ATRX: variants seen among roughly 807,000 people sequenced by gnomAD.
ATRX encodes chromatin remodeler ATRX.
In ATRX, 12 loss-of-function variants were observed where a neutral mutation model predicts 172.6. The observed-to-expected ratio is 0.07, with a 90% confidence interval of 0.04 to 0.11. ATRX has a LOEUF of 0.11. Ranked by LOEUF, ATRX falls within the 10% of genes least tolerant of loss-of-function variation. ATRX has a pLI of 1.00. For synonymous variants in ATRX, 674 were observed against 594.7 expected (o/e 1.13, Z -1.94); for missense variants, 1,368 against 1,767.4 (o/e 0.77, Z 4.05).
At chrX:77,606,757 CA>C (rs782601756) in intron 22 of ATRX, among the ~76,000 whole-genome samples, 14 of 66,982 alleles carry the variant, frequency 2.1e-4, no homozygotes, top group South Asian at 9.7e-4. Context: ...CTCATCTCTA[CA>C]AAAAAAAAAA....
chrX:77,518,737 T>G (rs1459876887), intron 34 of ATRX, among the ~76,000 whole-genome samples: 1 of 111,232 alleles, frequency 9.0e-6, no homozygotes, highest in Non-Finnish European at 1.9e-5. Flanking sequence ...GGAATCACAT[T>G]ACCTGACTTC....
At chrX:77,735,749 C>T (rs1557178689) in intron 1 of ATRX, among the ~76,000 whole-genome samples, 2 of 95,634 alleles carry the variant, frequency 2.1e-5, no homozygotes, top group African/African-American at 7.6e-5. Context: ...TTGCAGTGAG[C>T]CGAGATCGTG....
At position 77,772,828 on chromosome X, in the gene ATRX, G is replaced by A. The variant is rs781798733; in HGVS notation, c.20+13154C>T. ...AATGGTTAAAATGCTAAATCTTGTG[G>A]TATGTGTATTTCACCACCAATTTTT... is the stretch of plus-strand genomic sequence containing the variant. On this transcript the variant is annotated intron_variant, in intron 1 of 34. Transcript: ENST00000373344. Among the ~76,000 whole-genome samples the A allele has an allele frequency of 5.5e-5, 6 of 108,382 alleles. No individual in the cohort carries two copies. The South Asian group carries it at 2.4e-3, about 43-fold the overall frequency. The allele number at this position is 108,382 out of a possible 115,157, so 94.1% of individuals were successfully genotyped here.
chrX:77,568,159 G>GAAA lies in ATRX; in HGVS notation c.6326+6088_6326+6090dup, dbSNP rs1159858312. On this transcript the variant is annotated intron_variant, in intron 28 of 34. Coordinates refer to ENST00000373344, the MANE Select transcript of ATRX (RefSeq NM_000489.6). ...CAAAAGCAAGATGAAATTAAAATAGGAAAAAAAAAAAAAGAAAAAGAAAAT... is the reference window on the plus strand; with the variant it reads ...CAAAAGCAAGATGAAATTAAAATAGGAAAAAAAAAAAAAAAAGAAAAAGAAAAT... 3.3e-5 allele frequency among the ~76,000 whole-genome samples: 3 copies of GAAA among 90,194 alleles called. No individual in the cohort carries two copies. In the Admixed American group the frequency reaches 3.6e-4, roughly 11 times the overall value. 78.3% of individuals were successfully genotyped at this position (90,194 alleles called of 115,157 possible).
intron 34 of ATRX, among the ~76,000 whole-genome samples, chrX:77,511,348 A>G (rs534226329): frequency 2.7e-5 from 3 of 111,577 alleles, no homozygotes; most frequent in African/African-American, 9.8e-5. Context: ...ATGGGTACAA[A>G]CAAGGCTAGA....
intron 27 of ATRX, among the ~76,000 whole-genome samples, chrX:77,583,464 C>T (rs1046851104): frequency 3.6e-5 from 4 of 110,205 alleles, no homozygotes; most frequent in African/African-American, 1.3e-4. Flanking sequence ...GCAGAGACTG[C>T]GGTGAGCCAA....
intron 33 of ATRX, 105 bp downstream of exon 33, chrX:77,521,298 C>G (rs1161260399): frequency 3.1e-6 from 2 of 644,123 alleles, no homozygotes; most frequent in Non-Finnish European, 5.0e-6. Context: ...TTTACTATTG[C>G]AAATCAATTT....
At chrX:77,681,459 C>CAATGTAGT (rs1491064264) in intron 9 of ATRX, 61 bp downstream of exon 9, 62 of 988,940 alleles carry the variant, frequency 6.3e-5, no homozygotes, top group Non-Finnish European at 8.1e-5. Context: ...GGAAATTAAA[C>CAATGTAGT]AATGTAGTAA....
chrX:77,739,284 C>T (rs1255968004), intron 1 of ATRX, among the ~76,000 whole-genome samples: 1 of 110,188 alleles, frequency 9.1e-6, no homozygotes, highest in African/African-American at 3.3e-5. Flanking sequence ...TAATAGTCTC[C>T]AATCCCATCC....
At chrX:77,508,718 G>A in intron 34 of ATRX, 89 bp from the exon 35 acceptor site, 2 of 997,038 alleles carry the variant, frequency 2.0e-6, no homozygotes, top group Non-Finnish European at 2.8e-6. Flanking sequence ...TTGTTAAGGG[G>A]GTACCATACC....
At chrX:77,545,376 TAC>T (rs1473345949) in intron 30 of ATRX, among the ~76,000 whole-genome samples, 2 of 111,722 alleles carry the variant, frequency 1.8e-5, no homozygotes, top group Non-Finnish European at 3.8e-5. Flanking sequence ...TATGTGCATG[TAC>T]ACACACACAG....
chrX:77,757,065 C>G (rs1195655967), intron 1 of ATRX, among the ~76,000 whole-genome samples: 1 of 111,693 alleles, frequency 9.0e-6, no homozygotes, highest in Admixed American at 9.6e-5. Context: ...GGACTACAGG[C>G]ATGAACCACT....
chrX:77,674,451 G>C (rs1223100617), intron 10 of ATRX: 1 of 110,862 alleles, frequency 9.0e-6, no homozygotes, highest in Non-Finnish European at 1.9e-5. Context: ...TACTCAACAG[G>C]GTTGTATTTT....
At chrX:77,595,499 A>G (rs1416472106) in intron 25 of ATRX, 1 of 111,812 alleles carries the variant, frequency 8.9e-6, no homozygotes, top group Non-Finnish European at 1.9e-5. Context: ...ATTTTTCCCA[A>G]CCAAGAGCCC....
At chrX:77,630,280 G>C (rs782207438) in intron 19 of ATRX, among the ~76,000 whole-genome samples, 1 of 111,984 alleles carries the variant, frequency 8.9e-6, no homozygotes, top group Non-Finnish European at 1.9e-5. Flanking sequence ...TGTTCATGGA[G>C]GGGAAGATTT....
chrX:77,507,071 T>C lies in ATRX; in HGVS notation c.*1280A>G, dbSNP rs1279525989. On this transcript the variant is annotated 3_prime_UTR_variant, in exon 35 of 35. Coordinates refer to ENST00000373344, the MANE Select transcript of ATRX (RefSeq NM_000489.6). Reference sequence around the variant, plus strand: ...ACATGAATAAATTTATAGGTCATTTTTGCAGAACTGGATTAAGAAAAAATA... The same window carrying C: ...ACATGAATAAATTTATAGGTCATTTCTGCAGAACTGGATTAAGAAAAAATA... 2.3e-5 allele frequency: 4 copies of C among 170,931 alleles called. No homozygotes were observed. The highest frequency in any genetic ancestry group is 2.2e-5 in the Non-Finnish European group (2 of 90,493). The allele number at this position is 170,931 out of a possible 1,213,427, so 14.1% of individuals were successfully genotyped here. A position where few individuals can be genotyped will look rare whatever the true frequency, so the allele number is the denominator to read the frequency against.
intron 28 of ATRX, among the ~76,000 whole-genome samples, chrX:77,565,245 C>T (rs147191031): frequency 1.5e-3 from 166 of 111,820 alleles, no homozygotes; most frequent in Non-Finnish European, 2.8e-3. Context: ...GCGTCTCATG[C>T]CCTGCCAAAA....
chrX:77,711,707 T>G (rs1471389499), intron 2 of ATRX, among the ~76,000 whole-genome samples: 3 of 111,647 alleles, frequency 2.7e-5, no homozygotes, highest in African/African-American at 9.7e-5. Flanking sequence ...TGGTGGCAGG[T>G]GCCTGTAATC....
At chrX:77,648,074 C>G (rs1019213541) in intron 15 of ATRX, among the ~76,000 whole-genome samples, 3 of 111,284 alleles carry the variant, frequency 2.7e-5, no homozygotes, top group African/African-American at 9.8e-5. Flanking sequence ...GGGGAATTAA[C>G]CAGAAAGATG....
Sources: allele counts gnomAD v4.1 joint callset (sites outside exome capture counted in the v4.1 genomes callset), GRCh38; gene constraint gnomAD v4.1.1; transcripts MANE v1.5; gene names NCBI Gene and HGNC (gene_info 2026-07-23, HGNC 2026-07-21).